USP16: variants seen among roughly 807,000 people sequenced by gnomAD.
USP16 encodes the protein ubiquitin specific peptidase 16, also known as ubiquitin carboxyl-terminal hydrolase 16.
Under a neutral mutation model 95.9 loss-of-function variants are expected in USP16, and 77 were observed. That is an observed-to-expected ratio of 0.80 (90% CI 0.67 to 0.97). The LOEUF is 0.97. Ranked by LOEUF, USP16 falls within the 50% of genes least tolerant of loss-of-function variation. The pLI, the probability that USP16 is intolerant of heterozygous loss-of-function variation, is 0.00. For missense variants in USP16, 943 were observed against 959.9 expected (o/e 0.98, Z 0.23); for synonymous variants, 303 against 318.2 (o/e 0.95, Z 0.51).
Position 29,046,934 on chromosome 21 carries a change from A to G in USP16, c.1624A>G (p.Met542Val), listed in dbSNP as rs199643978. ...TEEVDMKNINMDNDLEVLTSS... is the reference protein window; with the variant it reads ...TEEVDMKNINVDNDLEVLTSS... ...GGAAGTAGATATGAAAAATATCAAC[A>G]TGGATAATGATCTGGAGGTTTTAAC... Residue 542 changes from methionine to valine, a missense_variant, in exon 14 of 18, where the codon ATG becomes GTG. Coordinates refer to ENST00000399976, the MANE Select transcript of USP16 (RefSeq NM_006447.3). 40 of 1,614,056 alleles carry G rather than the reference A, an allele frequency of 2.5e-5. No homozygotes were observed. The highest frequency in any genetic ancestry group is 3.2e-5 in the Non-Finnish European group (38 of 1,180,032).
rs192370112 is a variant in USP16 at position 29,036,015 on chromosome 21, A to G, written c.345-256A>G. 6.2e-4 allele frequency among the ~76,000 whole-genome samples: 95 copies of G among 152,376 alleles called. No individual in the cohort carries two copies. Among genetic ancestry groups the G allele is most frequent in the Admixed American group, 2.5e-3 (38 of 15,304 alleles). ...ATATGTAAACAATCTTTTGACTTCA[A>G]TGTTATAACCAGTAAAGTAAAACGT... On this transcript the variant is annotated intron_variant, in intron 4 of 17. Coordinates refer to ENST00000399976, the MANE Select transcript of USP16 (RefSeq NM_006447.3).
chr21:29,036,480 G>A, intron 5 of USP16, 106 bp downstream of exon 5: 1 of 1,068,706 alleles, frequency 9.4e-7, no homozygotes, highest in East Asian at 2.6e-5. Flanking sequence ...AGTAACATTA[G>A]TTATGGTTGA....
intron 14 of USP16, among the ~76,000 whole-genome samples, chr21:29,048,028 ATATC>A (rs1165136106): frequency 4.7e-5 from 7 of 150,324 alleles, no homozygotes; most frequent in Admixed American, 6.7e-5. Flanking sequence ...GTCTGTATAT[ATATC>A]AGCTCAGAGA....
At chr21:29,051,451 A>G (rs533656390) in intron 16 of USP16, among the ~76,000 whole-genome samples, 3 of 152,326 alleles carry the variant, frequency 2.0e-5, no homozygotes, top group African/African-American at 7.2e-5. Flanking sequence ...GAGATGGCCA[A>G]TGACAGGACC....
intron 2 of USP16, among the ~76,000 whole-genome samples, chr21:29,029,142 G>A (rs1052560679): frequency 3.9e-5 from 6 of 152,194 alleles, no homozygotes; most frequent in East Asian, 3.8e-4. Flanking sequence ...GACCAGGTGT[G>A]GTGGCTCACG....
chr21:29,033,042 T>C (rs2085100418), intron 3 of USP16, among the ~76,000 whole-genome samples: 1 of 152,238 alleles, frequency 6.6e-6, no homozygotes, highest in Middle Eastern at 3.2e-3. Flanking sequence ...AGATACTGTT[T>C]ACTTGTATTT....
At chr21:29,048,575 T>C (rs1235944772) in intron 14 of USP16, among the ~76,000 whole-genome samples, 186 bp from the exon 15 acceptor site, 2 of 152,224 alleles carry the variant, frequency 1.3e-5, no homozygotes, top group Non-Finnish European at 2.9e-5. Flanking sequence ...ATCTCATAAA[T>C]ACCTATAAAA....
intron 14 of USP16, among the ~76,000 whole-genome samples, chr21:29,048,265 T>C (rs1440940678): frequency 2.0e-5 from 3 of 152,086 alleles, no homozygotes; most frequent in Non-Finnish European, 4.4e-5. Context: ...GTATTTTTAA[T>C]AGAGATAGGG....
intron 6 of USP16, among the ~76,000 whole-genome samples, chr21:29,037,833 C>A (rs762945697): frequency 7.9e-5 from 12 of 151,836 alleles, no homozygotes; most frequent in Middle Eastern, 3.2e-3. Flanking sequence ...CCGTCCACCC[C>A]CTTTGGCCAC....
At chr21:29,047,392 C>G (rs2085343599) in intron 14 of USP16, 71 bp downstream of exon 14, 1 of 1,449,060 alleles carries the variant, frequency 6.9e-7, no homozygotes, top group Non-Finnish European at 9.3e-7. Context: ...AGGTAGAGTA[C>G]TCCTAATTGT....
chr21:29,038,273 A>G, intron 6 of USP16, 62 bp from the exon 7 acceptor site: 2 of 1,090,208 alleles, frequency 1.8e-6, no homozygotes, highest in African/African-American at 1.7e-5. Context: ...GACACTTAAG[A>G]AGTGTCAGAG....
chr21:29,037,473 C>T lies in USP16; in HGVS notation c.636+10C>T. The T allele has an allele frequency of 4.6e-6, 7 of 1,520,764 alleles. No homozygotes were observed. The highest frequency in any genetic ancestry group is 6.2e-6 in the Non-Finnish European group (7 of 1,135,492). The allele number at this position is 1,520,764 out of a possible 1,614,324, so 94.2% of individuals were successfully genotyped here. A position where few individuals can be genotyped will look rare whatever the true frequency, so the allele number is the denominator to read the frequency against. On this transcript the variant is annotated intron_variant, in intron 6 of 17. Transcript: ENST00000399976. ...CAATGCAGTTATGCAGGTACATTGT[C>T]ATTTTTTTCCCTTTAAAAAAGCTGT...
chr21:29,027,632 A>G (rs894700873), intron 1 of USP16, among the ~76,000 whole-genome samples: 2 of 152,228 alleles, frequency 1.3e-5, no homozygotes, highest in African/African-American at 2.4e-5. Flanking sequence ...TGACCTTTAC[A>G]TATATTGAAA....
intron 6 of USP16, among the ~76,000 whole-genome samples, chr21:29,037,725 A>G (rs1331957512): frequency 2.0e-5 from 3 of 151,816 alleles, no homozygotes; most frequent in Non-Finnish European, 4.4e-5. Flanking sequence ...AGCTGGGACT[A>G]CAGGCATGCG....
intron 3 of USP16, among the ~76,000 whole-genome samples, chr21:29,032,985 T>A (rs2085099516): frequency 6.6e-6 from 1 of 152,226 alleles, no homozygotes; most frequent in Admixed American, 6.5e-5. Context: ...GATAGTTATA[T>A]ACTGATATCT....
chr21:29,053,709 TA>T (rs2146406572), intron 16 of USP16, 92 bp from the exon 17 acceptor site: 1 of 1,321,852 alleles, frequency 7.6e-7, no homozygotes, highest in African/African-American at 1.5e-5. Context: ...AAGTAATGGT[TA>T]AAGACCCTTT....
At chr21:29,042,715 G>A in intron 12 of USP16, 187 bp downstream of exon 12, 1 of 510,028 alleles carries the variant, frequency 2.0e-6, no homozygotes, top group South Asian at 3.0e-5. Context: ...AACAAGGATG[G>A]AAAAAAAGAT....
intron 3 of USP16, among the ~76,000 whole-genome samples, chr21:29,031,088 G>T (rs1467769923): frequency 2.0e-5 from 3 of 152,194 alleles, no homozygotes; most frequent in Admixed American, 6.5e-5. Context: ...CCTGTGCATA[G>T]ACCAGTCATT....
chr21:29,046,986 G>A lies in USP16; in HGVS notation c.1676G>A (p.Gly559Asp), dbSNP rs753711150. The A allele has an allele frequency of 2.5e-6, 4 of 1,613,980 alleles. No homozygotes were observed. The highest frequency in any genetic ancestry group is 2.2e-5 in the East Asian group (1 of 44,888). Residue 559 changes from glycine (G) to aspartate (D), a missense_variant, in exon 14 of 18, where the codon GGT becomes GAT. By Grantham distance (94) the Gly-to-Asp change is moderately conservative. Transcript: ENST00000399976. ...LTSSPTRNLN[G>D]AYLTEGSNGE... ...TCTTCTCCCACTAGGAATTTAAATG[G>A]TGCCTACCTAACGGAAGGGAGCAAT...
Sources: allele counts gnomAD v4.1 joint callset (sites outside exome capture counted in the v4.1 genomes callset), GRCh38; gene constraint gnomAD v4.1.1; transcripts MANE v1.5; gene names NCBI Gene and HGNC (gene_info 2026-07-23, HGNC 2026-07-21).